Variants in GRK7 observed in about 807,000 individuals in gnomAD.
GRK7 encodes the protein G protein-coupled receptor kinase 7, also known as rhodopsin kinase GRK7.
GRK7 carries 24 observed loss-of-function variants against 34.1 expected under a neutral mutation model. The ratio of observed to expected loss-of-function variants is 0.70; its 90% CI spans 0.51 to 0.99. The LOEUF is 0.99. GRK7 is among the 50% of genes least tolerant of loss of function. GRK7 has a pLI of 0.00. For missense variants in GRK7, 644 were observed against 707.3 expected, an observed-to-expected ratio of 0.91 and a Z score of 1.02; for synonymous variants, 256 against 279.4, an observed-to-expected ratio of 0.92 and a Z score of 0.84.
In GRK7 at chr3:141,765,701, G is replaced by A. The variant is rs181978526; in HGVS notation, c.-252G>A. Among the ~76,000 whole-genome samples, 100 of 152,164 alleles carry A rather than the reference G, an allele frequency of 6.6e-4. No homozygotes were observed. The highest frequency in any genetic ancestry group is 2.2e-3 in the African/African-American group (90 of 41,522). ...TCCCAGCTGAGCTCAGCCACCCACC[G>A]ATCCCCCAGCTGAATGCAACCATAA... On this transcript the variant is annotated 5_prime_UTR_variant, in exon 1 of 6. Coordinates refer to ENST00000682958, the MANE Select transcript of GRK7 (RefSeq NM_139209.3).
At chr3:141,762,898 G>A (rs958590922), upstream of GRK7, among the ~76,000 whole-genome samples, 18 of 151,736 alleles carry the variant, frequency 1.2e-4, no homozygotes, top group Non-Finnish European at 2.2e-4. Flanking sequence ...TTCCAGGTGC[G>A]TCCGTCACTC....
intron 4 of GRK7, among the ~76,000 whole-genome samples, chr3:141,801,451 G>A (rs1183073217): frequency 6.6e-6 from 1 of 151,686 alleles, no homozygotes; most frequent in Non-Finnish European, 1.5e-5. Context: ...TGCTAGGTGG[G>A]GAAAAAAGAC....
chr3:141,800,695 CATACT>C (rs1372834839), intron 4 of GRK7, among the ~76,000 whole-genome samples: 1 of 152,100 alleles, frequency 6.6e-6, no homozygotes, highest in East Asian at 1.9e-4. Flanking sequence ...TGAAAGAATA[CATACT>C]ATACTGTACC....
chr3:141,778,782 C>T lies in GRK7; in HGVS notation c.498C>T (p.Phe166=), dbSNP rs780812559. The T allele has an allele frequency of 2.5e-6, 4 of 1,607,246 alleles. No individual in the cohort carries two copies. Among genetic ancestry groups the T allele is most frequent in the East Asian group, 4.5e-5 (2 of 44,866 alleles). ...AFLQEQPFKD[F]VTSAFYDKFL... ...TGCAAGAGCAGCCCTTTAAGGATTT[C>T]GTGACCAGCGCCTTCTACGACAAGT... The change falls in exon 3 of 6, where the codon TTC becomes TTT. Residue 166 remains phenylalanine, a synonymous_variant. Coordinates refer to ENST00000682958, the MANE Select transcript of GRK7 (RefSeq NM_139209.3). The surrounding 1 kb of genome is among the most constrained non-coding windows in gnomAD (Gnocchi z 4.1).
chr3:141,756,095 T>G, the GRK7 span, among the ~76,000 whole-genome samples: 1 of 151,084 alleles, frequency 6.6e-6, no homozygotes, highest in African/African-American at 2.4e-5. Flanking sequence ...GCAGATCACT[T>G]GAGGTCAGGG....
intron 4 of GRK7, among the ~76,000 whole-genome samples, chr3:141,789,884 G>C (rs78169985): frequency 0.048 from 7,253 of 152,168 alleles, 159 homozygotes; most frequent in South Asian, 0.089. Flanking sequence ...GGGAAATTGA[G>C]ACCCAAAGTC....
chr3:141,782,260 G>T (rs2084675315), intron 4 of GRK7, among the ~76,000 whole-genome samples: 1 of 152,224 alleles, frequency 6.6e-6, no homozygotes, highest in South Asian at 2.1e-4. Flanking sequence ...AATAATGGGG[G>T]TCTGTACAGG....
At chr3:141,802,480 C>T (rs1053416493) in intron 4 of GRK7, among the ~76,000 whole-genome samples, 1 of 152,024 alleles carries the variant, frequency 6.6e-6, no homozygotes, top group Admixed American at 6.6e-5. Flanking sequence ...CCATGATAGC[C>T]AGCACCGTGG....
At chr3:141,809,531 C>G (rs1406033384) in intron 5 of GRK7, among the ~76,000 whole-genome samples, 1 of 152,002 alleles carries the variant, frequency 6.6e-6, no homozygotes, top group Non-Finnish European at 1.5e-5. Flanking sequence ...GACTGTGCCT[C>G]TACGGAAAAT....
the GRK7 span, among the ~76,000 whole-genome samples, chr3:141,752,082 A>G: frequency 6.6e-6 from 1 of 152,266 alleles, no homozygotes; most frequent in Non-Finnish European, 1.5e-5. Context: ...TTAAATCTTT[A>G]GCTGCCAAAT....
chr3:141,771,318 C>T (rs80248193), intron 1 of GRK7, among the ~76,000 whole-genome samples: 7,402 of 152,132 alleles, frequency 0.049, 170 homozygotes, highest in South Asian at 0.086. Context: ...AACTGGAGGC[C>T]ATTATTATCT....
chr3:141,769,430 G>GA (rs752119279), intron 1 of GRK7, among the ~76,000 whole-genome samples: 4 of 152,180 alleles, frequency 2.6e-5, no homozygotes, highest in Non-Finnish European at 4.4e-5. Context: ...TATTCATAAA[G>GA]CAGCAGCCAG....
rs931478084 is a variant in GRK7 at position 141,790,553 on chromosome 3, G to T, written c.1050+9742G>T. On this transcript the variant is annotated intron_variant, in intron 4 of 5. Transcript: ENST00000682958. ...CACAATTAAACATGTTCCAGCCACT[G>T]TCTACATGCACTTTTTTTTTTTTTT... 1.0e-4 allele frequency among the ~76,000 whole-genome samples: 15 copies of T among 143,928 alleles called. 1 individual carries two copies. The highest frequency in any genetic ancestry group is 3.9e-4 in the African/African-American group (15 of 38,306). The allele number at this position is 143,928 out of a possible 152,430, so 94.4% of individuals were successfully genotyped here.
chr3:141,809,277 T>C (rs192361637), intron 5 of GRK7, among the ~76,000 whole-genome samples: 125 of 152,334 alleles, frequency 8.2e-4, no homozygotes, highest in Middle Eastern at 3.4e-3. Context: ...GTCATAGCTC[T>C]GGAAAATTCT....
In GRK7 at chr3:141,789,813, T is replaced by C. The variant is rs980016073; in HGVS notation, c.1050+9002T>C. Among the ~76,000 whole-genome samples, 10 of 152,268 alleles carry C rather than the reference T, an allele frequency of 6.6e-5. No individual in the cohort carries two copies. In the South Asian group the frequency reaches 2.1e-3, roughly 32 times the overall value. ...CTTTTCTACATATGAGCTGAGCCTC[T>C]TGGGACCCTTTACAAAAAGATTCTG... On this transcript the variant is annotated intron_variant, in intron 4 of 5. Coordinates refer to ENST00000682958, the MANE Select transcript of GRK7 (RefSeq NM_139209.3).
intron 5 of GRK7, among the ~76,000 whole-genome samples, chr3:141,809,808 A>G (rs981743763): frequency 6.6e-6 from 1 of 152,208 alleles, no homozygotes; most frequent in Admixed American, 6.5e-5. Context: ...CTTTAGATTC[A>G]TAGACATAGA....
At chr3:141,752,766 C>T in the GRK7 span, among the ~76,000 whole-genome samples, 1 of 152,072 alleles carries the variant, frequency 6.6e-6, no homozygotes, top group African/African-American at 2.4e-5. Flanking sequence ...TTGTGTCTTC[C>T]CAAAACTCAG....
intron 1 of GRK7, among the ~76,000 whole-genome samples, chr3:141,771,343 A>T (rs1468715895): frequency 6.6e-6 from 1 of 152,224 alleles, no homozygotes; most frequent in Non-Finnish European, 1.5e-5. Flanking sequence ...GAAACATCTC[A>T]GAAAGAGAAA....
In GRK7 at chr3:141,778,776, G is replaced by A. The variant is rs1177355377; in HGVS notation, c.492G>A (p.Lys164=). The A allele has an allele frequency of 3.1e-6, 5 of 1,607,954 alleles. No individual in the cohort carries two copies. Among genetic ancestry groups the A allele is most frequent in the Non-Finnish European group, 3.4e-6 (4 of 1,177,722 alleles). Residue 164 remains lysine (K), a synonymous_variant, in exon 3 of 6, where the codon AAG becomes AAA. Coordinates refer to ENST00000682958, the MANE Select transcript of GRK7 (RefSeq NM_139209.3). This position sits in a 1 kb window ranked among gnomAD's most constrained non-coding sequence, Gnocchi z 4.1. ...CTTTCTTGCAAGAGCAGCCCTTTAA[G>A]GATTTCGTGACCAGCGCCTTCTACG... ...AMAFLQEQPF[K]DFVTSAFYDK... is the part of the protein sequence containing the mutation.
Sources: gnomAD v4.1 joint callset for allele counts (sites outside exome capture counted in the v4.1 genomes callset) on GRCh38, gnomAD v4.1.1 for gene constraint, Gnocchi (gnomAD v3.1) non-coding constraint, MANE v1.5 for transcripts, NCBI Gene and HGNC (gene_info 2026-07-23, HGNC 2026-07-21) for gene names.